Variants in ULK4 observed in about 807,000 individuals in gnomAD.
ULK4 encodes inactive serine/threonine-protein kinase ULK4.
A neutral mutation model predicts 160.6 loss-of-function variants in ULK4; 133 were observed. The observed-to-expected ratio is 0.83, with a 90% CI of 0.72 to 0.96. The LOEUF (loss-of-function observed/expected upper bound fraction) is 0.96. Among genes scored for constraint, ULK4 ranks in the 40% least tolerant of loss-of-function variants. ULK4 has a pLI of 0.00. For synonymous variants in ULK4, 534 were observed against 539.8 expected, an observed-to-expected ratio of 0.99 and a Z score of 0.15; for missense variants, 1,580 against 1,499.5, an observed-to-expected ratio of 1.05 and a Z score of -0.89.
chr3:41,640,800 T>A (rs2034153124), intron 30 of ULK4, among the ~76,000 whole-genome samples: 1 of 151,734 alleles, frequency 6.6e-6, no homozygotes, highest in African/African-American at 2.4e-5. Flanking sequence ...TATATACAAC[T>A]TTTTTTTAAT....
chr3:41,413,075 A>C (rs1380623979), intron 34 of ULK4, among the ~76,000 whole-genome samples: 1 of 152,170 alleles, frequency 6.6e-6, no homozygotes, highest in Admixed American at 6.5e-5. Context: ...GAGGCCTCAC[A>C]ATCATGGCGG....
intron 32 of ULK4, among the ~76,000 whole-genome samples, chr3:41,474,802 C>T (rs1158524397): frequency 1.0e-4 from 14 of 136,702 alleles, no homozygotes; most frequent in African/African-American, 4.1e-4. Flanking sequence ...CACCTTACAT[C>T]TGTCAGAATG....
At chr3:41,399,460 T>C (rs1017581980) in intron 34 of ULK4, among the ~76,000 whole-genome samples, 12 of 152,236 alleles carry the variant, frequency 7.9e-5, no homozygotes, top group African/African-American at 2.9e-4. Flanking sequence ...CTTTTGACTT[T>C]CTTGATACTG....
chr3:41,804,959 G>A (rs182151107), intron 19 of ULK4, among the ~76,000 whole-genome samples: 132 of 152,112 alleles, frequency 8.7e-4, no homozygotes, highest in African/African-American at 2.5e-3. Flanking sequence ...CTGACTTGGC[G>A]ATGCGGGCTC....
chr3:41,708,308 C>T (rs555565821), intron 25 of ULK4, among the ~76,000 whole-genome samples: 12 of 152,104 alleles, frequency 7.9e-5, no homozygotes, highest in Middle Eastern at 3.4e-3. Context: ...AACAGATGAA[C>T]GGATTTTTTA....
intron 19 of ULK4, among the ~76,000 whole-genome samples, chr3:41,818,682 A>G (rs933580933): frequency 6.6e-6 from 1 of 152,194 alleles, no homozygotes; most frequent in Non-Finnish European, 1.5e-5. Flanking sequence ...GTTACCATAT[A>G]AAGTAGGAAG....
chr3:41,741,467 C>A (rs77988797), intron 22 of ULK4, among the ~76,000 whole-genome samples: 7,588 of 151,856 alleles, frequency 0.05, 448 homozygotes, highest in African/African-American at 0.12. Flanking sequence ...TTTATTGAAG[C>A]ATTTCAATAC....
chr3:41,896,783 C>T (rs188784923), intron 15 of ULK4, 39 bp downstream of exon 15: 4 of 1,547,346 alleles, frequency 2.6e-6, no homozygotes, highest in East Asian at 2.3e-5. Flanking sequence ...TCTATAAAAA[C>T]ACAAATTAAA....
At chr3:41,931,578 T>G (rs1407545644) in intron 5 of ULK4, among the ~76,000 whole-genome samples, 1 of 152,104 alleles carries the variant, frequency 6.6e-6, no homozygotes, top group East Asian at 1.9e-4. Flanking sequence ...CCTTCCTATG[T>G]GCTAATGAGT....
intron 21 of ULK4, among the ~76,000 whole-genome samples, chr3:41,774,453 C>G (rs576125586): frequency 2.7e-5 from 4 of 150,348 alleles, no homozygotes; most frequent in Non-Finnish European, 5.9e-5. Context: ...ATTTATGCAG[C>G]CAAAAAACAC....
intron 19 of ULK4, among the ~76,000 whole-genome samples, chr3:41,816,620 G>A (rs1008701400): frequency 6.6e-6 from 1 of 152,124 alleles, no homozygotes; most frequent in Non-Finnish European, 1.5e-5. Flanking sequence ...TTCAAGACTA[G>A]CCTGGGCGAC....
chr3:41,871,043 G>A (rs73081361), intron 17 of ULK4, among the ~76,000 whole-genome samples: 18,591 of 152,158 alleles, frequency 0.12, 1,335 homozygotes, highest in Middle Eastern at 0.27. Flanking sequence ...CATGTAAAGA[G>A]GTGCCTTCTG....
At chr3:41,366,548 T>TACACACACACACACAC (rs148305509) in intron 35 of ULK4, among the ~76,000 whole-genome samples, 4 of 148,788 alleles carry the variant, frequency 2.7e-5, no homozygotes, top group African/African-American at 9.9e-5. Flanking sequence ...AAAATATGGC[T>TACACACACACACACAC]ACACACACAC....
intron 35 of ULK4, among the ~76,000 whole-genome samples, chr3:41,320,873 C>T (rs146878386): frequency 0.01 from 1,525 of 152,128 alleles, 19 homozygotes; most frequent in African/African-American, 0.035. Flanking sequence ...GCCAAGATCG[C>T]GCCACTGCAC....
intron 30 of ULK4, among the ~76,000 whole-genome samples, chr3:41,622,163 G>A (rs188553663): frequency 7.9e-5 from 12 of 152,248 alleles, no homozygotes; most frequent in Non-Finnish European, 1.8e-4. Context: ...ACTGTTGGTG[G>A]GAGTGTAAAT....
At chr3:41,506,919 G>T (rs1575326204) in intron 32 of ULK4, among the ~76,000 whole-genome samples, 1 of 148,326 alleles carries the variant, frequency 6.7e-6, no homozygotes, top group South Asian at 2.1e-4. Context: ...GTATCCTGGA[G>T]AAAGAGTAGG....
chr3:41,481,903 T>G (rs574202460), intron 32 of ULK4, among the ~76,000 whole-genome samples: 3 of 151,774 alleles, frequency 2.0e-5, no homozygotes, highest in Non-Finnish European at 4.4e-5. Flanking sequence ...TGCAAAATAA[T>G]TAAGAAAATT....
At position 41,376,278 on chromosome 3, in the gene ULK4, T is replaced by A. The variant is rs535152386; in HGVS notation, c.3678+21801A>T. ...CCCAGCAATCCCTTTTCTGGGTACA[T>A]ATCCAAAGGATCATAAATCATTCCA... is the stretch of plus-strand genomic sequence containing the variant. On this transcript the variant is annotated intron_variant, in intron 35 of 36. Coordinates refer to ENST00000301831, the MANE Select transcript of ULK4 (RefSeq NM_017886.4). Among the ~76,000 whole-genome samples, 56 of 150,408 alleles carry A rather than the reference T, an allele frequency of 3.7e-4. 4 individuals are homozygous for A. Among genetic ancestry groups the A allele is most frequent in the African/African-American group, 1.4e-3 (55 of 40,402 alleles).
intron 27 of ULK4, among the ~76,000 whole-genome samples, chr3:41,695,359 G>A (rs57002024): frequency 8.5e-5 from 13 of 152,064 alleles, no homozygotes; most frequent in South Asian, 8.3e-4. Context: ...AGCACACTTC[G>A]TGCCCCATCT....
Sources: allele counts gnomAD v4.1 joint callset (sites outside exome capture counted in the v4.1 genomes callset), GRCh38; gene constraint gnomAD v4.1.1; transcripts MANE v1.5; gene names NCBI Gene and HGNC (gene_info 2026-07-23, HGNC 2026-07-21).